Variants in CLSTN2 observed in about 807,000 individuals in gnomAD.
The protein encoded by CLSTN2 is calsyntenin-2.
A neutral mutation model predicts 101.2 loss-of-function variants in CLSTN2; 48 were observed. The observed-to-expected ratio is 0.47, with a 90% CI of 0.38 to 0.60. The LOEUF (loss-of-function observed/expected upper bound fraction) is 0.60, where lower values mean the gene tolerates loss of function less well. Among genes scored for constraint, CLSTN2 ranks in the 20% least tolerant of loss-of-function variants. CLSTN2 has a pLI of 0.00. For synonymous variants in CLSTN2, 481 were observed against 463.6 expected (o/e 1.04, Z -0.48); for missense variants, 1,160 against 1,238.2 (o/e 0.94, Z 0.95).
chr3:140,120,009 C>A (rs1309135758), intron 1 of CLSTN2, among the ~76,000 whole-genome samples: 1 of 152,186 alleles, frequency 6.6e-6, no homozygotes, highest in Non-Finnish European at 1.5e-5. Context: ...ATCACCAACA[C>A]AGAGGAAGAC....
At chr3:140,261,166 C>T (rs187112199) in intron 2 of CLSTN2, among the ~76,000 whole-genome samples, 1 of 151,232 alleles carries the variant, frequency 6.6e-6, no homozygotes, top group African/African-American at 2.4e-5. Flanking sequence ...GGGGGTTATG[C>T]ATTACCTTCT....
intron 4 of CLSTN2, among the ~76,000 whole-genome samples, chr3:140,414,883 A>G (rs902923103): frequency 1.3e-5 from 2 of 152,080 alleles, no homozygotes; most frequent in South Asian, 4.1e-4. Flanking sequence ...AACCTTGAGC[A>G]AGAAGAACAA....
intron 1 of CLSTN2, among the ~76,000 whole-genome samples, chr3:140,024,136 G>A (rs2007372899): frequency 6.6e-6 from 1 of 152,232 alleles, no homozygotes; most frequent in Non-Finnish European, 1.5e-5. Context: ...CAACTTTGTA[G>A]AATGGTGAGG....
intron 2 of CLSTN2, among the ~76,000 whole-genome samples, chr3:140,203,499 A>C (rs1412410192): frequency 1.7e-5 from 1 of 57,990 alleles, no homozygotes. Context: ...TTTGGTTTTT[A>C]AGATGGGAGA....
At chr3:140,133,223 A>G (rs558178973) in intron 1 of CLSTN2, among the ~76,000 whole-genome samples, 1 of 152,268 alleles carries the variant, frequency 6.6e-6, no homozygotes, top group Admixed American at 6.5e-5. Context: ...GTAAACTAAC[A>G]GAGCTAGAAC....
intron 1 of CLSTN2, among the ~76,000 whole-genome samples, chr3:140,049,456 T>C (rs2007946852): frequency 6.6e-6 from 1 of 152,232 alleles, no homozygotes; most frequent in African/African-American, 2.4e-5. Context: ...ATTTATTAAA[T>C]GCTTATTAGG....
intron 1 of CLSTN2, among the ~76,000 whole-genome samples, chr3:140,001,371 CA>C (rs1324077219): frequency 2.6e-5 from 4 of 152,034 alleles, no homozygotes; most frequent in Non-Finnish European, 5.9e-5. Flanking sequence ...TAATTTAATA[CA>C]GCACATATTT....
intron 2 of CLSTN2, among the ~76,000 whole-genome samples, chr3:140,257,558 A>AGG (rs745356026): frequency 1.5e-3 from 82 of 55,912 alleles, no homozygotes; most frequent in African/African-American, 0.01. Context: ...ATTTCTTTCT[A>AGG]GGGGTGTGTG....
intron 1 of CLSTN2, among the ~76,000 whole-genome samples, chr3:140,071,735 G>A (rs2008398324): frequency 6.6e-6 from 1 of 152,146 alleles, no homozygotes; most frequent in Non-Finnish European, 1.5e-5. Context: ...GGAGGCTGAG[G>A]CAGGAGAATG....
intron 2 of CLSTN2, among the ~76,000 whole-genome samples, chr3:140,332,705 C>CAAAAAAAA: frequency 7.2e-6 from 1 of 139,256 alleles, no homozygotes; most frequent in Non-Finnish European, 1.5e-5. Context: ...TCTTTTCTGG[C>CAAAAAAAA]AAAAAAAAAA....
intron 1 of CLSTN2, among the ~76,000 whole-genome samples, chr3:140,155,092 G>A (rs988427632): frequency 1.3e-5 from 2 of 152,156 alleles, no homozygotes; most frequent in African/African-American, 4.8e-5. Flanking sequence ...CCTTGAGAGG[G>A]TCTAAACGGA....
At chr3:140,235,261 A>T (rs1038690043) in intron 2 of CLSTN2, among the ~76,000 whole-genome samples, 33 of 152,206 alleles carry the variant, frequency 2.2e-4, no homozygotes, top group African/African-American at 7.7e-4. Flanking sequence ...AAGATAGTAG[A>T]TTCTCTCCCC....
At chr3:140,522,267 C>G (rs1001095949) in intron 8 of CLSTN2, among the ~76,000 whole-genome samples, 1 of 152,224 alleles carries the variant, frequency 6.6e-6, no homozygotes, top group Non-Finnish European at 1.5e-5. Flanking sequence ...GTGCTGAATT[C>G]AGGCATCACT....
intron 1 of CLSTN2, among the ~76,000 whole-genome samples, chr3:140,075,990 A>G (rs982788683): frequency 6.6e-6 from 1 of 152,158 alleles, no homozygotes; most frequent in Non-Finnish European, 1.5e-5. Context: ...TGTGCAATAC[A>G]GTATTGTTAA....
At chr3:140,463,298 G>T (rs554360256) in intron 7 of CLSTN2, among the ~76,000 whole-genome samples, 2 of 152,188 alleles carry the variant, frequency 1.3e-5, no homozygotes, top group South Asian at 2.1e-4. Flanking sequence ...CAGTGGCTAC[G>T]TACAGTGCTA....
At chr3:140,502,530 C>A (rs1934600142) in intron 8 of CLSTN2, among the ~76,000 whole-genome samples, 1 of 152,182 alleles carries the variant, frequency 6.6e-6, no homozygotes, top group South Asian at 2.1e-4. Context: ...GGAAGATGAG[C>A]TTTTTGTTTG....
intron 8 of CLSTN2, among the ~76,000 whole-genome samples, chr3:140,528,525 C>T (rs992642430): frequency 3.3e-5 from 5 of 151,896 alleles, no homozygotes; most frequent in East Asian, 3.9e-4. Flanking sequence ...TCCATAAAGG[C>T]GGGTGCTTTT....
chr3:140,232,245 T>A (rs1489247021), intron 2 of CLSTN2, among the ~76,000 whole-genome samples: 1 of 152,172 alleles, frequency 6.6e-6, no homozygotes, highest in Non-Finnish European at 1.5e-5. Context: ...GATTGCTATA[T>A]CCCAATGAGC....
Position 140,062,153 on chromosome 3 carries a change from C to T in CLSTN2, c.110-113798C>T, listed in dbSNP as rs192849163. On this transcript the variant is annotated intron_variant, in intron 1 of 16. Coordinates refer to ENST00000458420, the MANE Select transcript of CLSTN2 (RefSeq NM_022131.3). ...GGCCAGGAGAGTGGTGGGTCCATGC[C>T]GTAGAGCCCCGGGTACTCAGTTTGC... Among the ~76,000 whole-genome samples the T allele has an allele frequency of 3.8e-3, 579 of 152,112 alleles. 3 individuals are homozygous for T. The highest frequency in any genetic ancestry group is 0.013 in the African/African-American group (519 of 41,488).
Sources: allele counts gnomAD v4.1 joint callset (sites outside exome capture counted in the v4.1 genomes callset), GRCh38; gene constraint gnomAD v4.1.1; transcripts MANE v1.5; gene names NCBI Gene and HGNC (gene_info 2026-07-23, HGNC 2026-07-21).